The following RSBN1 variants were observed in gnomAD, a reference collection of about 807,000 sequenced individuals.
RSBN1 encodes lysine-specific demethylase 9.
In RSBN1, 23 loss-of-function variants were observed where a neutral mutation model predicts 74.8. The ratio of observed to expected loss-of-function variants is 0.31; its 90% CI spans 0.22 to 0.44. RSBN1 has a LOEUF of 0.44. Ranked by LOEUF, RSBN1 falls within the 20% of genes least tolerant of loss-of-function variation. The pLI, the probability that RSBN1 is intolerant of heterozygous loss-of-function variation, is 1.00. For missense variants in RSBN1, 808 were observed against 1,020.9 expected, an observed-to-expected ratio of 0.79 and a Z score of 2.84; for synonymous variants, 407 against 379.6, an observed-to-expected ratio of 1.07 and a Z score of -0.84.
At chr1:113,800,690 T>G (rs1262709070) in intron 1 of RSBN1, among the ~76,000 whole-genome samples, 2 of 152,140 alleles carry the variant, frequency 1.3e-5, no homozygotes, top group Non-Finnish European at 2.9e-5. Context: ...AAGAAAGAAC[T>G]GCGTTGATTG....
rs1479776297 is a variant in RSBN1, at chr1:113,798,021, T to C, written c.719A>G (p.Asn240Ser). Reference protein sequence around the residue: ...KAPKRETPDENGKTQRADDFV... With the variant: ...KAPKRETPDESGKTQRADDFV... Reference sequence around the variant, plus strand: ...ATCATCGGCTCTCTGGGTTTTACCATTTTCATCTGGTGTTTCTGGCCACAA... The same window carrying C: ...ATCATCGGCTCTCTGGGTTTTACCACTTTCATCTGGTGTTTCTGGCCACAA... The change falls in exon 2 of 7, where the codon AAT (asparagine) becomes AGT (serine). Residue 240 changes from asparagine (N) to serine (S), a missense_variant. Asn to Ser is a conservative substitution (Grantham distance 46). Transcript: ENST00000261441. 1 of 1,603,524 alleles carries C rather than the reference T, an allele frequency of 6.2e-7. No homozygotes were observed. The highest frequency in any genetic ancestry group is 8.5e-7 in the Non-Finnish European group (1 of 1,176,888).
At chr1:113,788,924 C>T (rs550936969) in intron 2 of RSBN1, among the ~76,000 whole-genome samples, 1 of 152,122 alleles carries the variant, frequency 6.6e-6, no homozygotes, top group African/African-American at 2.4e-5. Flanking sequence ...ACTGTAACAC[C>T]ATAATATTAT....
chr1:113,787,010 T>C (rs1660257532), intron 2 of RSBN1, among the ~76,000 whole-genome samples: 1 of 152,204 alleles, frequency 6.6e-6, no homozygotes, highest in African/African-American at 2.4e-5. Context: ...TTTTTGCATA[T>C]AAACTTCAAT....
chr1:113,796,325 G>C (rs1222418394), intron 2 of RSBN1: 1 of 152,030 alleles, frequency 6.6e-6, no homozygotes, highest in East Asian at 1.9e-4. Context: ...ACTTCAATTA[G>C]AGAAATTCTG....
At position 113,777,829 on chromosome 1, in the gene RSBN1, G is replaced by A. The variant is rs1242487254; in HGVS notation, c.1378-21C>T. 7.9e-6 allele frequency: 12 copies of A among 1,521,498 alleles called. No homozygotes were observed. The Admixed American group carries it at 9.9e-5, about 13-fold the overall frequency. The allele number at this position is 1,521,498 out of a possible 1,614,324, so 94.2% of individuals were successfully genotyped here. On this transcript the variant is annotated intron_variant, in intron 2 of 6. Transcript: ENST00000261441. ...TTGACCTAAGATAAAACAAAAGAGG[G>A]AAAAATGGACTGAGGTACAACTATA...
Position 113,765,804 on chromosome 1 carries a change from C to G in RSBN1, c.*176G>C. ...TGTACTAACGGGATAAGATACAACT[C>G]TTAACTTTGCATAATCTGTGTAAAA... On this transcript the variant is annotated 3_prime_UTR_variant, in exon 7 of 7. Transcript: ENST00000261441. The G allele has an allele frequency of 1.6e-6, 1 of 606,494 alleles. No individual in the cohort carries two copies. Among genetic ancestry groups the G allele is most frequent in the South Asian group, 2.1e-5 (1 of 48,202 alleles). 37.6% of individuals were successfully genotyped at this position (606,494 alleles called of 1,614,324 possible). A position where few individuals can be genotyped will look rare whatever the true frequency, so the allele number is the denominator to read the frequency against.
chr1:113,783,330 T>C (rs938523002), intron 2 of RSBN1, among the ~76,000 whole-genome samples: 1 of 152,154 alleles, frequency 6.6e-6, no homozygotes, highest in African/African-American at 2.4e-5. Flanking sequence ...AGTCTATCAC[T>C]TGCATTTAAA....
chr1:113,797,769 A>G lies in RSBN1; in HGVS notation c.971T>C (p.Met324Thr). 6.2e-7 allele frequency: 1 copy of G among 1,614,144 alleles called. No homozygotes were observed. Among genetic ancestry groups the G allele is most frequent in the Non-Finnish European group, 8.5e-7 (1 of 1,180,008 alleles). Residue 324 changes from methionine (M) to threonine (T), a missense_variant, in exon 2 of 7, where the codon ATG becomes ACG. Met to Thr is a moderately conservative substitution (Grantham distance 81). Coordinates refer to ENST00000261441, the MANE Select transcript of RSBN1 (RefSeq NM_018364.5). ...TCCCTGGGGTACCCGATATTCTTGC[A>G]TACCCAAATTTAATCGGCACAGCTG... ...DEQLCRLNLG[M>T]QEYRVPQGVQ...
Position 113,764,969 on chromosome 1 carries a change from TA to T in RSBN1, c.*1010del, listed in dbSNP as rs1659751944. Reference sequence around the variant, plus strand: ...TTTCTTAGAAAATAGCAACACAGAGTAATAGTAAATAAACCCAGGTATTCAC... The same window carrying T: ...TTTCTTAGAAAATAGCAACACAGAGTATAGTAAATAAACCCAGGTATTCAC... On this transcript the variant is annotated 3_prime_UTR_variant, in exon 7 of 7. Transcript: ENST00000261441. The T allele has an allele frequency of 1.3e-5, 2 of 152,176 alleles. No individual in the cohort carries two copies. The highest frequency in any genetic ancestry group is 4.8e-5 in the African/African-American group (2 of 41,400). The allele number at this position is 152,176 out of a possible 1,614,324, so 9.4% of individuals were successfully genotyped here.
In RSBN1 at chr1:113,797,612, G is replaced by A; in HGVS notation, c.1128C>T (p.Tyr376=). ...GAGACAAAAATGAGAGTTCATCCAT[G>A]TAAGCATGAAGGACAAGAGCACCAC... ...SNGGALVLHA[Y]MDELSFLSPM... is the part of the protein sequence containing the mutation. The change falls in exon 2 of 7, where the codon TAC becomes TAT. Residue 376 remains tyrosine, a synonymous_variant. Transcript: ENST00000261441. The A allele has an allele frequency of 6.2e-7, 1 of 1,613,782 alleles. No homozygotes were observed. The highest frequency in any genetic ancestry group is 1.1e-5 in the South Asian group (1 of 91,042).
chr1:113,810,389 A>G (rs1660804619), intron 1 of RSBN1, among the ~76,000 whole-genome samples: 1 of 147,360 alleles, frequency 6.8e-6, no homozygotes, highest in Non-Finnish European at 1.5e-5. Flanking sequence ...GTTAAAACAC[A>G]CACACACACA....
chr1:113,777,617 A>G, intron 3 of RSBN1, 54 bp downstream of exon 3: 3 of 1,517,408 alleles, frequency 2.0e-6, no homozygotes, highest in Non-Finnish European at 2.7e-6. Flanking sequence ...TTCAACATAT[A>G]AAGTGCCCAC....
At chr1:113,795,542 T>C (rs1660454169) in intron 2 of RSBN1, among the ~76,000 whole-genome samples, 1 of 152,204 alleles carries the variant, frequency 6.6e-6, no homozygotes. Context: ...AATTCATAAA[T>C]AAAATTAAGT....
At chr1:113,811,590 C>A in intron 1 of RSBN1, 120 bp downstream of exon 1, 1 of 1,421,896 alleles carries the variant, frequency 7.0e-7, no homozygotes, top group South Asian at 1.5e-5. Context: ...CCCCAGTGAG[C>A]TTAGAGAAGT....
intron 3 of RSBN1, 80 bp from the exon 4 acceptor site, chr1:113,777,432 C>A: frequency 7.2e-7 from 1 of 1,392,872 alleles, no homozygotes; most frequent in South Asian, 1.5e-5. Context: ...AATAAAAGTT[C>A]TAAGAAGGCT....
intron 1 of RSBN1, among the ~76,000 whole-genome samples, chr1:113,808,318 T>C (rs1349100707): frequency 1.3e-5 from 2 of 152,098 alleles, no homozygotes; most frequent in African/African-American, 4.8e-5. Flanking sequence ...GTACATGCTA[T>C]ATAAATAATT....
At chr1:113,782,902 C>A (rs1175873870) in intron 2 of RSBN1, among the ~76,000 whole-genome samples, 1 of 152,134 alleles carries the variant, frequency 6.6e-6, no homozygotes, top group Non-Finnish European at 1.5e-5. Context: ...TTATGTTGAA[C>A]ATTTTTTCAT....
chr1:113,785,951 G>A (rs981034052), intron 2 of RSBN1, among the ~76,000 whole-genome samples: 2 of 152,202 alleles, frequency 1.3e-5, no homozygotes, highest in African/African-American at 4.8e-5. Flanking sequence ...AAGAAGGAAA[G>A]TTACCCAATT....
Position 113,811,973 on chromosome 1 carries a change from G to T in RSBN1, c.440C>A (p.Pro147Gln). 6.4e-7 allele frequency: 1 copy of T among 1,570,846 alleles called. No homozygotes were observed. Among genetic ancestry groups the T allele is most frequent in the Non-Finnish European group, 8.6e-7 (1 of 1,157,988 alleles). ...PVEPLLLPPP[P>Q]PPSLAPAGPA... ...CCCGGCGGGTGCCAGCGAAGGTGGC[G>T]GCGGAGGCGGCAGGAGAAGAGGCTC... Residue 147 changes from proline to glutamine, a missense_variant, in exon 1 of 7, where the codon CCG becomes CAG. By Grantham distance (76) the Pro-to-Gln change is moderately conservative. Around this residue, in one of 6 missense-constraint regions of RSBN1, gnomAD observed 464 missense variants for 401.0 expected, o/e 1.16. Transcript: ENST00000261441.
Sources: allele counts gnomAD v4.1 joint callset (sites outside exome capture counted in the v4.1 genomes callset), GRCh38; gene constraint gnomAD v4.1.1; regional missense constraint gnomAD v4.1.1; transcripts MANE v1.5; gene names NCBI Gene and HGNC (gene_info 2026-07-23, HGNC 2026-07-21).